SHROOM3: variants seen among roughly 807,000 people sequenced by gnomAD.
SHROOM3 encodes protein Shroom3.
In SHROOM3, 47 loss-of-function variants were observed where a neutral mutation model predicts 138.6. The ratio of observed to expected loss-of-function variants is 0.34; its 90% CI spans 0.27 to 0.43. The LOEUF is 0.43. Ranked by LOEUF, SHROOM3 falls within the 20% of genes least tolerant of loss-of-function variation. The pLI is 1.00. For synonymous variants in SHROOM3, 1,062 were observed against 1,063.3 expected, an observed-to-expected ratio of 1.00 and a Z score of 0.02; for missense variants, 2,491 against 2,596.5, an observed-to-expected ratio of 0.96 and a Z score of 0.88.
At chr4:76,622,176 C>T (rs531698128) in intron 2 of SHROOM3, among the ~76,000 whole-genome samples, 4 of 152,128 alleles carry the variant, frequency 2.6e-5, no homozygotes, top group South Asian at 2.1e-4. Context: ...TAGACCTAGT[C>T]GTGCTAGGGG....
In SHROOM3 at chr4:76,741,839, C is replaced by T. The variant is rs1407759051; in HGVS notation, c.3666C>T (p.Ala1222=). The T allele has an allele frequency of 1.2e-6, 2 of 1,602,612 alleles. No individual in the cohort carries two copies. The highest frequency in any genetic ancestry group is 2.2e-5 in the East Asian group (1 of 44,464). The change falls in exon 5 of 11, where the codon GCC becomes GCT. Residue 1222 remains alanine (A), a synonymous_variant. Transcript: ENST00000296043. The surrounding 1 kb of genome is among the most constrained non-coding windows in gnomAD (Gnocchi z 6.2). Reference sequence around the variant, plus strand: ...CCAGGGCCGGGAAGTCCATGTCGGCCGAGGACCTGCTGGAACGCTCGGACG... The same window carrying T: ...CCAGGGCCGGGAAGTCCATGTCGGCTGAGGACCTGCTGGAACGCTCGGACG... ...WGARAGKSMS[A]EDLLERSDVL... is the part of the protein sequence containing the mutation.
At chr4:76,719,250 G>A (rs952667880) in intron 3 of SHROOM3, among the ~76,000 whole-genome samples, 2 of 152,188 alleles carry the variant, frequency 1.3e-5, no homozygotes, top group Non-Finnish European at 2.9e-5. Flanking sequence ...ACACCACCAT[G>A]GAAGTGATTT....
At chr4:76,528,562 T>TTTTTTTTTG (rs1732754135) in intron 1 of SHROOM3, among the ~76,000 whole-genome samples, 1 of 146,366 alleles carries the variant, frequency 6.8e-6, no homozygotes, top group African/African-American at 2.5e-5. Context: ...TTTTTTTTTT[T>TTTTTTTTTG]GAGGCAGAGT....
At chr4:76,748,814 CTTTTTTT>C (rs34047499) in intron 5 of SHROOM3, among the ~76,000 whole-genome samples, 196 bp from the exon 6 acceptor site, 7 of 100,574 alleles carry the variant, frequency 7.0e-5, no homozygotes, top group Middle Eastern at 5.1e-3. Flanking sequence ...TCTGACTCTG[CTTTTTTT>C]TTTTTTTTTT....
chr4:76,540,293 C>G (rs772632059), intron 1 of SHROOM3, among the ~76,000 whole-genome samples: 6 of 152,174 alleles, frequency 3.9e-5, no homozygotes, highest in East Asian at 3.9e-4. Flanking sequence ...GCTCAGCCAC[C>G]CTTGAGAATT....
At chr4:76,484,221 G>C (rs1168007212) in intron 1 of SHROOM3, among the ~76,000 whole-genome samples, 1 of 151,752 alleles carries the variant, frequency 6.6e-6, no homozygotes, top group Non-Finnish European at 1.5e-5. Flanking sequence ...TTTCTATCAA[G>C]GCAATGCTAA....
At position 76,699,563 on chromosome 4, in the gene SHROOM3, G is replaced by C. The variant is rs79831654; in HGVS notation, c.324-10593G>C. Among the ~76,000 whole-genome samples, 305 of 152,228 alleles carry C rather than the reference G, an allele frequency of 2.0e-3. 1 individual carries two copies. Among genetic ancestry groups the C allele is most frequent in the African/African-American group, 7.0e-3 (291 of 41,528 alleles). Reference sequence around the variant, plus strand: ...CCAGTAATGTTTCCTGCTATAATAGGGTATGTATATATGGCCTTTTAGAGG... The same window carrying C: ...CCAGTAATGTTTCCTGCTATAATAGCGTATGTATATATGGCCTTTTAGAGG... On this transcript the variant is annotated intron_variant, in intron 2 of 10. Transcript: ENST00000296043.
intron 2 of SHROOM3, among the ~76,000 whole-genome samples, chr4:76,589,796 GCA>G (rs1176080332): frequency 6.6e-6 from 1 of 152,274 alleles, no homozygotes; most frequent in Non-Finnish European, 1.5e-5. Flanking sequence ...AGCAGTGGAG[GCA>G]CAGTCTCAGT....
chr4:76,488,136 A>G (rs933580890), intron 1 of SHROOM3, among the ~76,000 whole-genome samples: 2 of 152,176 alleles, frequency 1.3e-5, no homozygotes, highest in African/African-American at 4.8e-5. Flanking sequence ...AAAAGAGTGT[A>G]TAGTATTGAA....
At chr4:76,625,630 C>G (rs1560569440) in intron 2 of SHROOM3, among the ~76,000 whole-genome samples, 2 of 152,102 alleles carry the variant, frequency 1.3e-5, no homozygotes, top group African/African-American at 4.8e-5. Flanking sequence ...CCACAGCATC[C>G]TTCCTTTCCT....
Position 76,689,176 on chromosome 4 carries a change from C to A in SHROOM3, c.324-20980C>A, listed in dbSNP as rs937766255. On this transcript the variant is annotated intron_variant, in intron 2 of 10. Coordinates refer to ENST00000296043, the MANE Select transcript of SHROOM3 (RefSeq NM_020859.4). Reference sequence around the variant, plus strand: ...AGGGACTGAGGGTGTGTGCTTCGGTCCGGTCCCCTTAATACCGTAAGGACC... The same window carrying A: ...AGGGACTGAGGGTGTGTGCTTCGGTACGGTCCCCTTAATACCGTAAGGACC... Among the ~76,000 whole-genome samples, 23 of 152,168 alleles carry A rather than the reference C, an allele frequency of 1.5e-4. 1 individual carries two copies. The highest frequency in any genetic ancestry group is 5.5e-4 in the African/African-American group (23 of 41,522).
chr4:76,456,555 A>C lies in SHROOM3; in HGVS notation c.168+20335A>C, dbSNP rs908478958. On this transcript the variant is annotated intron_variant, in intron 1 of 10. Transcript: ENST00000296043. ...ATACCTCTGGGTTTATGCTAAGGAA[A>C]TAATTGCTCAATAGATATGTACAAG... 7.2e-5 allele frequency among the ~76,000 whole-genome samples: 11 copies of C among 152,372 alleles called. No individual in the cohort carries two copies. The South Asian group carries it at 1.0e-3, about 14-fold the overall frequency.
chr4:76,501,575 G>A (rs1334347296), intron 1 of SHROOM3, among the ~76,000 whole-genome samples: 1 of 152,086 alleles, frequency 6.6e-6, no homozygotes, highest in Non-Finnish European at 1.5e-5. Context: ...TCCTGGATGG[G>A]AGCTGGTCAC....
chr4:76,703,391 T>G (rs58275088), intron 2 of SHROOM3, among the ~76,000 whole-genome samples: 1,599 of 152,270 alleles, frequency 0.011, 28 homozygotes, highest in African/African-American at 0.037. Flanking sequence ...AAAAGGTCAG[T>G]AACAGGAACA....
intron 1 of SHROOM3, among the ~76,000 whole-genome samples, chr4:76,531,907 C>CT (rs11310701): frequency 0.03 from 4,290 of 143,688 alleles, 212 homozygotes; most frequent in African/African-American, 0.099. Flanking sequence ...CCAAGTTGCT[C>CT]TTTTTTTTTT....
At chr4:76,574,398 T>C (rs778891823) in intron 2 of SHROOM3, among the ~76,000 whole-genome samples, 7 of 152,144 alleles carry the variant, frequency 4.6e-5, no homozygotes, top group Non-Finnish European at 1.0e-4. Flanking sequence ...AATTGGGAAC[T>C]CTGGAGTTTG....
chr4:76,632,253 A>G (rs900147986), intron 2 of SHROOM3, among the ~76,000 whole-genome samples: 1 of 152,246 alleles, frequency 6.6e-6, no homozygotes, highest in Non-Finnish European at 1.5e-5. Flanking sequence ...CCAACTTTGT[A>G]TAAATAATAT....
At chr4:76,655,684 A>G (rs1286998650) in intron 2 of SHROOM3, among the ~76,000 whole-genome samples, 1 of 152,206 alleles carries the variant, frequency 6.6e-6, no homozygotes, top group Non-Finnish European at 1.5e-5. Context: ...CTTATATTTT[A>G]AGAAAGTGTC....
chr4:76,735,849 AAAAAAAAAAAAAAAAAAAAATATATATAT>A (rs1721028209), intron 4 of SHROOM3, among the ~76,000 whole-genome samples: 1 of 85,184 alleles, frequency 1.2e-5, no homozygotes, highest in Non-Finnish European at 2.1e-5. Context: ...TAAAAAAAAA[AAAAAAAAAAAAAAAAAAAAATATATATAT>A]ATATATATAT....
Sources: allele counts gnomAD v4.1 joint callset (sites outside exome capture counted in the v4.1 genomes callset), GRCh38; gene constraint gnomAD v4.1.1; non-coding constraint Gnocchi (gnomAD v3.1); transcripts MANE v1.5; gene names NCBI Gene and HGNC (gene_info 2026-07-23, HGNC 2026-07-21).